RBFOX1: variants seen among roughly 807,000 people sequenced by gnomAD.
RBFOX1 encodes RNA binding fox-1 homolog 1.
Under a neutral mutation model 57.7 loss-of-function variants are expected in RBFOX1, and 8 were observed. That is an observed-to-expected ratio of 0.14 (90% CI 0.08 to 0.25). The LOEUF is 0.25. RBFOX1 is among the 10% of genes least tolerant of loss of function. RBFOX1 has a pLI of 1.00. For synonymous variants in RBFOX1, 326 were observed against 222.4 expected (o/e 1.47, Z -4.15); for missense variants, 611 against 548.5 (o/e 1.11, Z -1.14).
chr16:5,915,471 G>C (rs544718046), intron 4 of RBFOX1, among the ~76,000 whole-genome samples: 1 of 152,202 alleles, frequency 6.6e-6, no homozygotes, highest in African/African-American at 2.4e-5. Context: ...GGGCTAAGAA[G>C]AGAGAGTGAA....
intron 3 of RBFOX1, among the ~76,000 whole-genome samples, chr16:6,785,573 G>A (rs962482418): frequency 6.6e-6 from 1 of 152,074 alleles, no homozygotes; most frequent in African/African-American, 2.4e-5. Context: ...TCAACATGTG[G>A]GGACAAGTTT....
intron 4 of RBFOX1, among the ~76,000 whole-genome samples, chr16:5,899,485 G>T (rs1045943209): frequency 6.6e-6 from 1 of 152,172 alleles, no homozygotes; most frequent in African/African-American, 2.4e-5. Context: ...TTGAAATCAA[G>T]CTGAATTCTC....
chr16:7,384,211 TATATGAA>T (rs1211968921), intron 4 of RBFOX1, among the ~76,000 whole-genome samples: 27 of 151,564 alleles, frequency 1.8e-4, no homozygotes, highest in Non-Finnish European at 3.8e-4. Flanking sequence ...ATATGAAACA[TATATGAA>T]ATATATATAT....
At chr16:5,672,488 T>A (rs971324585) in intron 3 of RBFOX1, among the ~76,000 whole-genome samples, 1 of 152,120 alleles carries the variant, frequency 6.6e-6, no homozygotes, top group Non-Finnish European at 1.5e-5. Context: ...CCTCATTCTT[T>A]AAGGACAAGC....
chr16:5,565,609 G>C (rs1020250132), intron 2 of RBFOX1, among the ~76,000 whole-genome samples: 2 of 149,512 alleles, frequency 1.3e-5, no homozygotes, highest in African/African-American at 2.5e-5. Context: ...TGGGCAATAA[G>C]AGCGAAACTC....
At position 6,978,041 on chromosome 16, in the gene RBFOX1, G is replaced by A. The variant is rs554412181; in HGVS notation, c.-15-74016G>A. 9.6e-4 allele frequency among the ~76,000 whole-genome samples: 71 copies of A among 74,166 alleles called. 2 individuals carry two copies. In the South Asian group the frequency reaches 0.029, roughly 30 times the overall value. The allele number at this position is 74,166 out of a possible 152,430, so 48.7% of individuals were successfully genotyped here. A position where few individuals can be genotyped will look rare whatever the true frequency, so the allele number is the denominator to read the frequency against. ...TTATTTTCTGGGTCCCCCAAGCCCCGCCCTCCCTCTAACCTGCCCCGTACC... is the reference window on the plus strand; with the variant it reads ...TTATTTTCTGGGTCCCCCAAGCCCCACCCTCCCTCTAACCTGCCCCGTACC... On this transcript the variant is annotated intron_variant, in intron 3 of 15. Transcript: ENST00000550418.
At chr16:7,301,079 T>G (rs1603589265) in intron 4 of RBFOX1, among the ~76,000 whole-genome samples, 1 of 152,166 alleles carries the variant, frequency 6.6e-6, no homozygotes. Context: ...CAGTCTCTTT[T>G]GAGATGGAAT....
intron 2 of RBFOX1, among the ~76,000 whole-genome samples, chr16:5,583,551 C>T (rs1026169018): frequency 1.3e-5 from 2 of 152,188 alleles, no homozygotes; most frequent in Non-Finnish European, 2.9e-5. Context: ...TCTGAATCTG[C>T]TGTGATTCTG....
intron 1 of RBFOX1, among the ~76,000 whole-genome samples, chr16:6,072,823 C>T (rs1490383040): frequency 5.3e-5 from 8 of 152,032 alleles, no homozygotes; most frequent in African/African-American, 1.9e-4. Flanking sequence ...CACCCTCTAC[C>T]CCACTCCACA....
At chr16:6,617,591 A>G (rs1305033220) in intron 2 of RBFOX1, among the ~76,000 whole-genome samples, 1 of 152,050 alleles carries the variant, frequency 6.6e-6, no homozygotes, top group Non-Finnish European at 1.5e-5. Context: ...TACCACTTAC[A>G]TGTGGGGGTT....
chr16:6,858,719 C>G (rs775064571), intron 3 of RBFOX1, among the ~76,000 whole-genome samples: 1 of 152,084 alleles, frequency 6.6e-6, no homozygotes, highest in Non-Finnish European at 1.5e-5. Context: ...GTGTTCAGCT[C>G]AGCCTCTTTA....
chr16:7,702,062 G>T (rs1052286336), intron 14 of RBFOX1, among the ~76,000 whole-genome samples: 1 of 152,124 alleles, frequency 6.6e-6, no homozygotes, highest in Non-Finnish European at 1.5e-5. Flanking sequence ...TCCTTGAATG[G>T]CTCTTCTCCT....
chr16:5,840,990 G>A (rs182174241), intron 3 of RBFOX1, among the ~76,000 whole-genome samples: 53 of 152,268 alleles, frequency 3.5e-4, no homozygotes, highest in African/African-American at 1.3e-3. Context: ...TCCTACAACA[G>A]GGGAATCAGA....
chr16:6,941,331 C>CTTCCTTCCTTCT (rs2078466412), intron 3 of RBFOX1, among the ~76,000 whole-genome samples: 1 of 140,032 alleles, frequency 7.1e-6, no homozygotes, highest in African/African-American at 2.7e-5. Flanking sequence ...TCCTTCCTTC[C>CTTCCTTCCTTCT]TTCCTTCCTT....
chr16:6,188,709 G>T lies in RBFOX1; in HGVS notation c.-126-128286G>T, dbSNP rs117519776. 5.3e-3 allele frequency among the ~76,000 whole-genome samples: 808 copies of T among 152,312 alleles called. 5 individuals carry two copies. The highest frequency in any genetic ancestry group is 8.8e-3 in the Non-Finnish European group (600 of 68,024). On this transcript the variant is annotated intron_variant, in intron 1 of 15. Transcript: ENST00000550418. Reference sequence around the variant, plus strand: ...TGGAAGTAATGAGACTACACTGAATGAAGTGGAGGCGAAAAAATGGAACAC... The same window carrying T: ...TGGAAGTAATGAGACTACACTGAATTAAGTGGAGGCGAAAAAATGGAACAC...
intron 3 of RBFOX1, among the ~76,000 whole-genome samples, chr16:7,036,672 G>C (rs78851704): frequency 6.7e-6 from 1 of 150,196 alleles, no homozygotes; most frequent in African/African-American, 2.5e-5. Context: ...CAGCCTCGTC[G>C]AAAGAGCAAA....
chr16:7,306,136 A>G (rs372714337), intron 4 of RBFOX1, among the ~76,000 whole-genome samples: 4 of 152,226 alleles, frequency 2.6e-5, no homozygotes, highest in South Asian at 2.1e-4. Flanking sequence ...TAGGTACTCA[A>G]TGTTCTCCGT....
intron 1 of RBFOX1, chr16:5,366,551 C>T: frequency 2.5e-6 from 1 of 395,902 alleles, no homozygotes; most frequent in South Asian, 2.1e-5. Flanking sequence ...GATGTTAGAG[C>T]AGAAATGCAA....
At chr16:6,697,878 T>A (rs60730229) in intron 3 of RBFOX1, among the ~76,000 whole-genome samples, 5,680 of 152,238 alleles carry the variant, frequency 0.037, 350 homozygotes, top group African/African-American at 0.13. Flanking sequence ...GAAGAACAAT[T>A]GTAATCAAGG....
Sources: allele counts gnomAD v4.1 joint callset (sites outside exome capture counted in the v4.1 genomes callset), GRCh38; gene constraint gnomAD v4.1.1; transcripts MANE v1.5; gene names NCBI Gene and HGNC (gene_info 2026-07-23, HGNC 2026-07-21).